The following RGS6 variants were observed in gnomAD, a reference collection of about 807,000 sequenced individuals.
RGS6 encodes regulator of G protein signaling 6, also known as regulator of G-protein signaling 6.
Under a neutral mutation model 78.5 loss-of-function variants are expected in RGS6, and 30 were observed. The ratio of observed to expected loss-of-function variants is 0.38; its 90% CI spans 0.29 to 0.52. The LOEUF (loss-of-function observed/expected upper bound fraction) is 0.52, where lower values mean the gene tolerates loss of function less well. Among genes scored for constraint, RGS6 ranks in the 20% least tolerant of loss-of-function variants. RGS6 has a pLI of 0.85. For missense variants in RGS6, 495 were observed against 609.7 expected, an observed-to-expected ratio of 0.81 and a Z score of 1.98; for synonymous variants, 206 against 206.0, an observed-to-expected ratio of 1.00 and a Z score of 0.00.
intron 2 of RGS6, 52 bp from the exon 3 acceptor site, chr14:72,352,043 T>G (rs2079193860): frequency 7.2e-7 from 1 of 1,383,632 alleles, no homozygotes; most frequent in Admixed American, 1.9e-5. Flanking sequence ...AGGTACCATT[T>G]ATAATTACAT....
intron 3 of RGS6, among the ~76,000 whole-genome samples, chr14:72,437,856 C>T (rs1821542580): frequency 6.6e-6 from 1 of 152,174 alleles, no homozygotes; most frequent in South Asian, 2.1e-4. Context: ...GTCCCCTGCT[C>T]CTAAGTTGCA....
At chr14:72,195,571 A>G (rs1433255328) in intron 2 of RGS6, among the ~76,000 whole-genome samples, 1 of 152,226 alleles carries the variant, frequency 6.6e-6, no homozygotes, top group East Asian at 1.9e-4. Context: ...ATAGCCAGGA[A>G]AGTGGGAGAA....
chr14:72,063,335 A>C (rs1246364334), intron 2 of RGS6, among the ~76,000 whole-genome samples: 1 of 152,186 alleles, frequency 6.6e-6, no homozygotes, highest in Non-Finnish European at 1.5e-5. Context: ...AGGAGAAATG[A>C]GAAATGAAAA....
chr14:72,499,187 G>A (rs763030269), intron 13 of RGS6, among the ~76,000 whole-genome samples: 2 of 152,188 alleles, frequency 1.3e-5, no homozygotes, highest in East Asian at 1.9e-4. Flanking sequence ...TTGGATCTGC[G>A]AAAGCCAATG....
At chr14:72,453,191 G>T (rs1307504220) in intron 3 of RGS6, among the ~76,000 whole-genome samples, 1 of 152,172 alleles carries the variant, frequency 6.6e-6, no homozygotes, top group African/African-American at 2.4e-5. Context: ...ATTTAACTGG[G>T]TCAGGCTGGG....
At chr14:72,591,916 G>C in the RGS6 span, among the ~76,000 whole-genome samples, 6 of 152,084 alleles carry the variant, frequency 3.9e-5, no homozygotes, top group Non-Finnish European at 7.4e-5. Context: ...CTCTTCTCCC[G>C]TCTCCTCAAT....
chr14:72,504,729 C>CCTCTCCCCTT (rs1390285748), intron 13 of RGS6, among the ~76,000 whole-genome samples: 4 of 150,054 alleles, frequency 2.7e-5, no homozygotes, highest in African/African-American at 4.9e-5. Flanking sequence ...CCCCTCCCCT[C>CCTCTCCCCTT]CTCTCCCCTT....
At position 72,131,729 on chromosome 14, in the gene RGS6, A is replaced by G. The variant is rs17107876; in HGVS notation, c.84+166854A>G. ...CAGTTTTGGTGAATTAAATTGGGAA[A>G]AGATTTTCGAGTGTTAAAGGTTGAA... On this transcript the variant is annotated intron_variant, in intron 2 of 17. Coordinates refer to ENST00000553525, the MANE Select transcript of RGS6 (RefSeq NM_001204424.2). Among the ~76,000 whole-genome samples the G allele has an allele frequency of 7.0e-3, 1,066 of 152,338 alleles. 35 individuals are homozygous for G. Among genetic ancestry groups the G allele is most frequent in the Admixed American group, 0.06 (922 of 15,294 alleles).
chr14:72,494,364 G>T (rs1204705174), intron 12 of RGS6, among the ~76,000 whole-genome samples: 1 of 151,990 alleles, frequency 6.6e-6, no homozygotes, highest in African/African-American at 2.4e-5. Flanking sequence ...ATAAATTCTT[G>T]TCTAAAATAA....
chr14:72,153,531 T>C (rs185027904), intron 2 of RGS6, among the ~76,000 whole-genome samples: 2 of 152,324 alleles, frequency 1.3e-5, no homozygotes, highest in Non-Finnish European at 2.9e-5. Context: ...CTGCCCCCAG[T>C]ATTTCAATGT....
At chr14:72,425,429 G>A (rs59336187) in intron 3 of RGS6, among the ~76,000 whole-genome samples, 10,911 of 152,132 alleles carry the variant, frequency 0.072, 749 homozygotes, top group Admixed American at 0.2. Context: ...GTGAGCCACC[G>A]CAGCCGGCCA....
At chr14:72,494,096 G>A (rs1048091055) in intron 12 of RGS6, among the ~76,000 whole-genome samples, 3 of 152,204 alleles carry the variant, frequency 2.0e-5, no homozygotes, top group African/African-American at 4.8e-5. Context: ...CAGGAAAGAG[G>A]ATCTCTGGGA....
intron 2 of RGS6, among the ~76,000 whole-genome samples, chr14:72,106,584 T>C (rs1416677331): frequency 6.6e-6 from 1 of 152,140 alleles, no homozygotes; most frequent in African/African-American, 2.4e-5. Context: ...AATTACCCAC[T>C]CTCTTGAGTT....
At chr14:71,930,145 A>G (rs1292456479), upstream of RGS6, among the ~76,000 whole-genome samples, 1 of 148,070 alleles carries the variant, frequency 6.8e-6, no homozygotes, top group Non-Finnish European at 1.5e-5. Context: ...ATATACACAC[A>G]CATATACACT....
chr14:72,372,367 C>T (rs1240759251), intron 3 of RGS6, among the ~76,000 whole-genome samples: 1 of 152,168 alleles, frequency 6.6e-6, no homozygotes, highest in Non-Finnish European at 1.5e-5. Flanking sequence ...AATTCCAACA[C>T]TTAATTCAGG....
At chr14:72,098,061 A>G (rs915406704) in intron 2 of RGS6, among the ~76,000 whole-genome samples, 1 of 152,248 alleles carries the variant, frequency 6.6e-6, no homozygotes, top group Non-Finnish European at 1.5e-5. Context: ...GGACCATATA[A>G]GCTTTTCCAA....
chr14:72,574,490 G>C, the RGS6 span, among the ~76,000 whole-genome samples: 1 of 152,214 alleles, frequency 6.6e-6, no homozygotes, highest in East Asian at 1.9e-4. Context: ...ATGACCCAGG[G>C]GGAAGATCTG....
intron 2 of RGS6, among the ~76,000 whole-genome samples, chr14:72,245,152 A>G (rs2053908204): frequency 6.6e-6 from 1 of 152,246 alleles, no homozygotes; most frequent in Non-Finnish European, 1.5e-5. Flanking sequence ...GGCCCCTATA[A>G]CAAAAGACAG....
chr14:72,601,677 G>T, the RGS6 span, among the ~76,000 whole-genome samples: 1 of 152,152 alleles, frequency 6.6e-6, no homozygotes, highest in Non-Finnish European at 1.5e-5. Flanking sequence ...ACACATACAG[G>T]TATCAAAACA....
Sources: gnomAD v4.1 joint callset for allele counts (sites outside exome capture counted in the v4.1 genomes callset) on GRCh38, gnomAD v4.1.1 for gene constraint, MANE v1.5 for transcripts, NCBI Gene and HGNC (gene_info 2026-07-23, HGNC 2026-07-21) for gene names.